Variants in LRP1B observed in about 807,000 individuals in gnomAD.
LRP1B encodes LDL receptor related protein 1B.
Under a neutral mutation model 556.6 loss-of-function variants are expected in LRP1B, and 217 were observed. That is an observed-to-expected ratio of 0.39 (90% CI 0.35 to 0.44). LRP1B has a LOEUF of 0.44. Ranked by LOEUF, LRP1B falls within the 20% of genes least tolerant of loss-of-function variation. The probability of loss-of-function intolerance (pLI) is 1.00; values close to 1 mark genes in which losing one functional copy is unlikely to be tolerated. For missense variants in LRP1B, 5,053 were observed against 5,620.8 expected, an observed-to-expected ratio of 0.90 and a Z score of 3.23; for synonymous variants, 2,047 against 1,865.8, an observed-to-expected ratio of 1.10 and a Z score of -2.50.
intron 11 of LRP1B, among the ~76,000 whole-genome samples, chr2:141,027,045 A>T (rs747141755): frequency 3.3e-5 from 5 of 152,090 alleles, no homozygotes; most frequent in Non-Finnish European, 7.4e-5. Flanking sequence ...AAGAAAAAAA[A>T]TGATAAATAG....
At chr2:142,085,694 T>C (rs1705891764) in intron 1 of LRP1B, among the ~76,000 whole-genome samples, 1 of 152,230 alleles carries the variant, frequency 6.6e-6, no homozygotes, top group Non-Finnish European at 1.5e-5. Context: ...TTTGCCTATA[T>C]GCTTTGAGAT....
chr2:141,206,059 G>C (rs1369555174), intron 6 of LRP1B, among the ~76,000 whole-genome samples: 2 of 151,866 alleles, frequency 1.3e-5, no homozygotes, highest in Non-Finnish European at 2.9e-5. Flanking sequence ...TGATGCCAAG[G>C]AAAGATATGA....
intron 41 of LRP1B, among the ~76,000 whole-genome samples, chr2:140,604,262 C>A (rs1386946549): frequency 1.3e-5 from 2 of 151,876 alleles, no homozygotes; most frequent in Non-Finnish European, 1.5e-5. Context: ...TTCCCTCTTA[C>A]CCACTTTTGA....
intron 62 of LRP1B, among the ~76,000 whole-genome samples, chr2:140,454,424 T>C (rs918946822): frequency 6.6e-6 from 1 of 152,190 alleles, no homozygotes; most frequent in Non-Finnish European, 1.5e-5. Flanking sequence ...GTGCTGGGAT[T>C]ACAGGCGTGA....
chr2:141,655,020 C>T (rs1278941595), intron 2 of LRP1B, among the ~76,000 whole-genome samples: 1 of 152,014 alleles, frequency 6.6e-6, no homozygotes, highest in Non-Finnish European at 1.5e-5. Flanking sequence ...TTGGAGCTAA[C>T]CTAGAATAGT....
At chr2:140,491,578 A>G (rs927588857) in intron 57 of LRP1B, among the ~76,000 whole-genome samples, 1 of 151,398 alleles carries the variant, frequency 6.6e-6, no homozygotes, top group Non-Finnish European at 1.5e-5. Flanking sequence ...AAAGTTTAAA[A>G]ATACAGAAAA....
chr2:142,108,793 C>G (rs1156670098), intron 1 of LRP1B, among the ~76,000 whole-genome samples: 1 of 152,108 alleles, frequency 6.6e-6, no homozygotes, highest in Non-Finnish European at 1.5e-5. Context: ...TTTTCTATCA[C>G]TTACGATTAT....
At chr2:140,986,667 C>T (rs1696936135) in intron 17 of LRP1B, among the ~76,000 whole-genome samples, 1 of 152,128 alleles carries the variant, frequency 6.6e-6, no homozygotes, top group Admixed American at 6.6e-5. Context: ...TTCCCATGTG[C>T]TTCCATGTGG....
chr2:141,220,130 C>T (rs867771280), intron 6 of LRP1B, among the ~76,000 whole-genome samples: 5 of 152,226 alleles, frequency 3.3e-5, no homozygotes, highest in East Asian at 1.9e-4. Flanking sequence ...TAATGAACTT[C>T]GCTGAGCTAA....
chr2:141,536,086 T>C (rs546944926), intron 2 of LRP1B, among the ~76,000 whole-genome samples: 2 of 152,248 alleles, frequency 1.3e-5, no homozygotes, highest in African/African-American at 2.4e-5. Flanking sequence ...ACAGTAAATG[T>C]TGAAAACAGA....
At chr2:141,450,291 A>T (rs989304236) in intron 3 of LRP1B, among the ~76,000 whole-genome samples, 1 of 152,210 alleles carries the variant, frequency 6.6e-6, no homozygotes, top group Non-Finnish European at 1.5e-5. Flanking sequence ...CAGGTTCCAG[A>T]GTCTGGCCAA....
intron 77 of LRP1B, among the ~76,000 whole-genome samples, chr2:140,340,901 C>G (rs1484789609): frequency 6.6e-6 from 1 of 151,412 alleles, no homozygotes; most frequent in Non-Finnish European, 1.5e-5. Flanking sequence ...AATCATCTTA[C>G]CTACATAACT....
intron 2 of LRP1B, among the ~76,000 whole-genome samples, chr2:141,501,760 A>G (rs72991023): frequency 0.031 from 4,752 of 152,194 alleles, 270 homozygotes; most frequent in African/African-American, 0.11. Context: ...TTGACATAGA[A>G]AGTTACAATT....
At position 141,022,472 on chromosome 2, in the gene LRP1B, AT is replaced by A. The variant is rs1296696231; in HGVS notation, c.1790-2371del. 7.2e-5 allele frequency among the ~76,000 whole-genome samples: 11 copies of A among 152,150 alleles called. No individual in the cohort carries two copies. In the East Asian group the frequency reaches 2.1e-3, roughly 29 times the overall value. ...TTAATTCCTTTCTCCACAAATATAC[AT>A]TGATAAGGGAAGCATTCTGCTTCCA... On this transcript the variant is annotated intron_variant, in intron 11 of 90. Transcript: ENST00000389484.
intron 20 of LRP1B, among the ~76,000 whole-genome samples, chr2:140,928,586 T>C (rs1367565607): frequency 1.3e-5 from 2 of 152,112 alleles, no homozygotes; most frequent in Admixed American, 6.6e-5. Flanking sequence ...CCTCATCATA[T>C]AGCATAGGGC....
chr2:141,034,915 T>C (rs12471842), intron 11 of LRP1B, among the ~76,000 whole-genome samples: 15,971 of 151,862 alleles, frequency 0.11, 923 homozygotes, highest in East Asian at 0.22. Context: ...CATGTATGTT[T>C]ATTGCGGCAC....
At chr2:141,367,101 T>C (rs781408560) in intron 3 of LRP1B, among the ~76,000 whole-genome samples, 3 of 152,178 alleles carry the variant, frequency 2.0e-5, no homozygotes, top group Non-Finnish European at 4.4e-5. Context: ...TATTGCTGCT[T>C]TTCTTAGCCT....
intron 3 of LRP1B, among the ~76,000 whole-genome samples, chr2:141,272,207 TTA>T: frequency 6.6e-6 from 1 of 152,190 alleles, no homozygotes; most frequent in South Asian, 2.1e-4. Flanking sequence ...ATAGAGTTAT[TTA>T]TATATGAGTA....
Position 140,598,838 on chromosome 2 carries a change from A to C in LRP1B, c.6990-3T>G. On this transcript the variant is annotated splice_polypyrimidine_tract_variant and splice_region_variant and intron_variant, in intron 42 of 90. Transcript: ENST00000389484. ...TCCAGTTGGTCCAAAACATTAAACT[A>C]ATTAAAATGAAAATTGTAACTATAA... The C allele has an allele frequency of 6.4e-7, 1 of 1,561,808 alleles. No homozygotes were observed. The highest frequency in any genetic ancestry group is 8.8e-7 in the Non-Finnish European group (1 of 1,134,342).
Sources: gnomAD v4.1 joint callset for allele counts (sites outside exome capture counted in the v4.1 genomes callset) on GRCh38, gnomAD v4.1.1 for gene constraint, MANE v1.5 for transcripts, NCBI Gene and HGNC (gene_info 2026-07-23, HGNC 2026-07-21) for gene names.